Variants in KNTC1 observed in about 807,000 individuals in gnomAD.
KNTC1 encodes kinetochore-associated protein 1.
A neutral mutation model predicts 314.4 loss-of-function variants in KNTC1; 253 were observed. That is an observed-to-expected ratio of 0.80 (90% CI 0.73 to 0.89). The LOEUF (loss-of-function observed/expected upper bound fraction) is 0.89. KNTC1 is among the 40% of genes least tolerant of loss of function. The pLI is 0.00. For missense variants in KNTC1, 2,475 were observed against 2,572.9 expected, an observed-to-expected ratio of 0.96 and a Z score of 0.82; for synonymous variants, 901 against 901.4, an observed-to-expected ratio of 1.00 and a Z score of 0.01.
At chr12:122,577,637 A>T (rs1965116124) in intron 30 of KNTC1, 35 bp from the exon 31 acceptor site, 1 of 1,586,016 alleles carries the variant, frequency 6.3e-7, no homozygotes, top group African/African-American at 1.4e-5. Context: ...TGCAAATACC[A>T]GCTGTTTTTT....
Position 122,573,241 on chromosome 12 carries a change from G to C in KNTC1, c.2239G>C (p.Glu747Gln). Reference sequence around the variant, plus strand: ...GAAGTTTATAAGAGTTTACATGAGAGAACATGACTTGCAAGAGGAGGAACT... The same window carrying C: ...GAAGTTTATAAGAGTTTACATGAGACAACATGACTTGCAAGAGGAGGAACT... The part of the protein sequence containing the change: ...LEKFIRVYMR[E>Q]HDLQEEELLL... Residue 747 changes from glutamate to glutamine, a missense_variant, in exon 26 of 64, where the codon GAA becomes CAA. Glu to Gln is a conservative substitution (Grantham distance 29). Transcript: ENST00000333479. The C allele has an allele frequency of 6.2e-7, 1 of 1,613,860 alleles. No homozygotes were observed. The highest frequency in any genetic ancestry group is 1.1e-5 in the South Asian group (1 of 91,076).
Position 122,597,844 on chromosome 12 carries a change from G to A in KNTC1, c.4469G>A (p.Arg1490Gln), listed in dbSNP as rs746207263. The A allele has an allele frequency of 1.3e-5, 21 of 1,613,858 alleles. No individual in the cohort carries two copies. The South Asian group carries it at 1.5e-4, about 12-fold the overall frequency. Residue 1490 changes from arginine to glutamine, a missense_variant, in exon 44 of 64, where the codon CGG (arginine) becomes CAG (glutamine). Arg to Gln is a conservative substitution (Grantham distance 43). Coordinates refer to ENST00000333479, the MANE Select transcript of KNTC1 (RefSeq NM_014708.6). ...GDASMDSAKRRHPKLLAKALE... is the reference protein window; with the variant it reads ...GDASMDSAKRQHPKLLAKALE... ...GCAAGCATGGACTCTGCAAAGCGGCGGCATCCCAAACTCCTGGCCAAAGCC... is the reference window on the plus strand; with the variant it reads ...GCAAGCATGGACTCTGCAAAGCGGCAGCATCCCAAACTCCTGGCCAAAGCC...
In KNTC1 at chr12:122,547,959, C is replaced by A; in HGVS notation, c.977C>A (p.Ala326Asp). ...NLKLIALTAS[A>D]NKKMKNLMVY... ...AAATTAATAGCTCTGACAGCTTCAG[C>A]TAATAAGAAGGTATTGGAAAATTTT... Residue 326 changes from alanine (A) to aspartate (D), a missense_variant, in exon 12 of 64, where the codon GCT becomes GAT. Transcript: ENST00000333479. The A allele has an allele frequency of 6.5e-7, 1 of 1,549,120 alleles. No individual in the cohort carries two copies. Among genetic ancestry groups the A allele is most frequent in the Admixed American group, 2.2e-5 (1 of 46,276 alleles).
At chr12:122,527,827 A>T (rs753491277) in intron 1 of KNTC1, 1 of 152,190 alleles carries the variant, frequency 6.6e-6, no homozygotes, top group Non-Finnish European at 1.5e-5. Context: ...AGTTTTGCGT[A>T]CTTCTTGTTA....
chr12:122,580,599 A>C lies in KNTC1; in HGVS notation c.2915-4A>C. On this transcript the variant is annotated splice_region_variant and splice_polypyrimidine_tract_variant and intron_variant, in intron 32 of 63. Transcript: ENST00000333479. ...TGCTATAACTTTTAAAAATTTAATT[A>C]CAGACAATCTGCAGAAGAAGGACGA... 2 of 1,537,732 alleles carry C rather than the reference A, an allele frequency of 1.3e-6. No homozygotes were observed. Among genetic ancestry groups the C allele is most frequent in the Non-Finnish European group, 1.8e-6 (2 of 1,133,130 alleles).
At chr12:122,597,703 A>G (rs1871251852) in intron 43 of KNTC1, 28 bp from the exon 44 acceptor site, 1 of 1,589,878 alleles carries the variant, frequency 6.3e-7, no homozygotes, top group Non-Finnish European at 8.6e-7. Context: ...AGTTTGGGAG[A>G]CTGGTGTGTA....
intron 20 of KNTC1, among the ~76,000 whole-genome samples, chr12:122,564,500 C>T (rs1964176879): frequency 1.3e-5 from 2 of 151,968 alleles, no homozygotes; most frequent in South Asian, 4.2e-4. Context: ...TGAGTCTGGC[C>T]CAGGTGCAGT....
At position 122,547,547 on chromosome 12, in the gene KNTC1, GC is replaced by G; in HGVS notation, c.932+18del. The G allele has an allele frequency of 7.0e-7, 1 of 1,419,432 alleles. No homozygotes were observed. The highest frequency in any genetic ancestry group is 9.9e-7 in the Non-Finnish European group (1 of 1,006,042). The allele number at this position is 1,419,432 out of a possible 1,614,324, so 87.9% of individuals were successfully genotyped here. A position where few individuals can be genotyped will look rare whatever the true frequency, so the allele number is the denominator to read the frequency against. On this transcript the variant is annotated intron_variant, in intron 11 of 63. Transcript: ENST00000333479. ...AGTCACGTGGTATGTTATGACTATGGCTAGTAGTCATTTCCCTTCTGTTAGT... is the reference window on the plus strand; with the variant it reads ...AGTCACGTGGTATGTTATGACTATGGTAGTAGTCATTTCCCTTCTGTTAGT...
chr12:122,600,791 A>T (rs74681638), intron 44 of KNTC1, among the ~76,000 whole-genome samples: 1 of 151,238 alleles, frequency 6.6e-6, no homozygotes, highest in African/African-American at 2.4e-5. Flanking sequence ...TCCGCCTCCC[A>T]AGTAGCTGGG....
At chr12:122,579,421 T>C (rs1027041923) in intron 31 of KNTC1, among the ~76,000 whole-genome samples, 2 of 152,164 alleles carry the variant, frequency 1.3e-5, no homozygotes, top group Admixed American at 6.5e-5. Flanking sequence ...AATATTTGAA[T>C]TTTTTTATTG....
rs769888216 is a variant in KNTC1, at chr12:122,539,700, G to A, written c.391G>A (p.Glu131Lys). ...GGCATTTGTTCAGAAAGCTAACGATGAAAATCGGCGGACTTACCAGAATCT... is the reference window on the plus strand; with the variant it reads ...GGCATTTGTTCAGAAAGCTAACGATAAAAATCGGCGGACTTACCAGAATCT... ...TNAFVQKAND[E>K]NRRTYQNLVI... The change falls in exon 5 of 64, where the codon GAA (glutamate) becomes AAA (lysine). Residue 131 changes from glutamate to lysine, a missense_variant. Physicochemically the swap from Glu to Lys is moderately conservative, Grantham distance 56 (BLOSUM62 1). Coordinates refer to ENST00000333479, the MANE Select transcript of KNTC1 (RefSeq NM_014708.6). The A allele has an allele frequency of 1.3e-5, 21 of 1,580,114 alleles. No individual in the cohort carries two copies. In the South Asian group the frequency reaches 2.3e-4, roughly 18 times the overall value.
chr12:122,543,597 C>A lies in KNTC1; in HGVS notation c.524-3C>A, dbSNP rs1479021009. ...ATTTAGCCTGCTTTCTTTTTTAATG[C>A]AGCAATTGAGAATGTAGACTTCAGT... On this transcript the variant is annotated splice_region_variant and splice_polypyrimidine_tract_variant and intron_variant, in intron 6 of 63. Transcript: ENST00000333479. 3 of 1,553,846 alleles carry A rather than the reference C, an allele frequency of 1.9e-6. No individual in the cohort carries two copies. Among genetic ancestry groups the A allele is most frequent in the Non-Finnish European group, 2.6e-6 (3 of 1,145,668 alleles).
chr12:122,594,249 G>A, intron 42 of KNTC1, 27 bp from the exon 43 acceptor site: 2 of 1,321,412 alleles, frequency 1.5e-6, no homozygotes, highest in Non-Finnish European at 2.2e-6. Context: ...GGGTTTTTTT[G>A]CTTTGTTTTT....
At chr12:122,568,459 G>A (rs1359620066) in intron 21 of KNTC1, 87 bp downstream of exon 21, 1 of 783,416 alleles carries the variant, frequency 1.3e-6, no homozygotes, top group Non-Finnish European at 2.3e-6. Flanking sequence ...CAAGGTGCAA[G>A]TCTGACTGGG....
intron 48 of KNTC1, among the ~76,000 whole-genome samples, chr12:122,603,707 GA>G (rs1340309524): frequency 6.6e-6 from 1 of 152,094 alleles, no homozygotes; most frequent in Non-Finnish European, 1.5e-5. Flanking sequence ...TGGCCAGGAT[GA>G]TCTCGATCTC....
chr12:122,544,318 C>T (rs1962603869), intron 8 of KNTC1, 49 bp downstream of exon 8: 1 of 897,628 alleles, frequency 1.1e-6, no homozygotes. Context: ...AGCATTTTCT[C>T]AGAAAAATGT....
chr12:122,587,560 C>A, intron 38 of KNTC1, 151 bp from the exon 39 acceptor site: 1 of 519,718 alleles, frequency 1.9e-6, no homozygotes, highest in Non-Finnish European at 3.2e-6. Context: ...TAAGTCAAGC[C>A]TCATGTTAAC....
At chr12:122,613,276 A>AT (rs1468760098) in intron 54 of KNTC1, 46 bp downstream of exon 54, 1 of 1,275,986 alleles carries the variant, frequency 7.8e-7, no homozygotes, top group Non-Finnish European at 1.1e-6. Flanking sequence ...GAAACAGATC[A>AT]TTTTTTGGAG....
At chr12:122,585,036 T>C in intron 36 of KNTC1, 46 bp downstream of exon 36, 1 of 1,119,196 alleles carries the variant, frequency 8.9e-7, no homozygotes, top group East Asian at 2.3e-5. Context: ...GGCAACGCAT[T>C]ATGCACCTTT....
Sources: allele counts gnomAD v4.1 joint callset (sites outside exome capture counted in the v4.1 genomes callset), GRCh38; gene constraint gnomAD v4.1.1; transcripts MANE v1.5; gene names NCBI Gene and HGNC (gene_info 2026-07-23, HGNC 2026-07-21).